Variants in DNAH17 observed in about 807,000 individuals in gnomAD.
The protein encoded by DNAH17 is dynein axonemal heavy chain 17.
In DNAH17, 376 loss-of-function variants were observed where a neutral mutation model predicts 485.6. That is an observed-to-expected ratio of 0.77 (90% confidence interval 0.71 to 0.84). DNAH17 has a LOEUF of 0.84. Among genes scored for constraint, DNAH17 ranks in the 40% least tolerant of loss-of-function variants. The pLI is 0.00. For missense variants in DNAH17, 6,370 were observed against 5,839.3 expected, an observed-to-expected ratio of 1.09 and a Z score of -2.96; for synonymous variants, 3,031 against 2,405.9, an observed-to-expected ratio of 1.26 and a Z score of -7.60.
chr17:78,506,083 G>A (rs757847651), intron 30 of DNAH17, among the ~76,000 whole-genome samples: 2 of 151,200 alleles, frequency 1.3e-5, no homozygotes, highest in Non-Finnish European at 2.9e-5. Context: ...TTCTTCTTGT[G>A]TAACCTCTAA....
At chr17:78,509,398 C>T (rs971858508) in intron 27 of DNAH17, among the ~76,000 whole-genome samples, 3 of 152,186 alleles carry the variant, frequency 2.0e-5, no homozygotes, top group South Asian at 2.1e-4. Flanking sequence ...GGATTATAGG[C>T]AGGAGCCCCC....
rs868533665 is a variant in DNAH17, at chr17:78,455,913, C to T, written c.9978-77G>A. 3.4e-5 allele frequency: 42 copies of T among 1,238,090 alleles called. No homozygotes were observed. The African/African-American group carries it at 5.5e-4, about 16-fold the overall frequency. The allele number at this position is 1,238,090 out of a possible 1,614,324, so 76.7% of individuals were successfully genotyped here. ...GACCAGACAAGCCTCCACCTCTGCA[C>T]CTCTGTGAATCTTCAGAGTTTCCCG... On this transcript the variant is annotated intron_variant, in intron 62 of 80. Transcript: ENST00000389840.
chr17:78,528,749 C>T (rs73385307), intron 22 of DNAH17, among the ~76,000 whole-genome samples: 2,694 of 152,196 alleles, frequency 0.018, 77 homozygotes, highest in African/African-American at 0.062. Context: ...TGCACACACC[C>T]CTCCACGCTG....
At chr17:78,432,901 T>TGCCCCCC (rs2086726536) in intron 75 of DNAH17, among the ~76,000 whole-genome samples, 1 of 58,578 alleles carries the variant, frequency 1.7e-5, no homozygotes, top group Non-Finnish European at 3.4e-5. Flanking sequence ...GCTTCAAACG[T>TGCCCCCC]GCCCCCCCCC....
intron 19 of DNAH17, among the ~76,000 whole-genome samples, chr17:78,534,810 C>A (rs965243368): frequency 6.6e-6 from 1 of 152,140 alleles, no homozygotes; most frequent in Admixed American, 6.5e-5. Flanking sequence ...TCTCTAAATC[C>A]CTGTGGCAGC....
At chr17:78,502,076 G>C in intron 33 of DNAH17, 2 of 643,058 alleles carry the variant, frequency 3.1e-6, no homozygotes, top group East Asian at 2.9e-5. Flanking sequence ...GCAGTGGCTA[G>C]CATGGACGTA....
At chr17:78,521,999 T>C (rs1159410004) in intron 25 of DNAH17, among the ~76,000 whole-genome samples, 1 of 152,028 alleles carries the variant, frequency 6.6e-6, no homozygotes, top group African/African-American at 2.4e-5. Flanking sequence ...ACCAAAATTA[T>C]ACTAAAACTC....
In DNAH17 at chr17:78,470,160, G is replaced by T. The variant is rs920314013; in HGVS notation, c.8512-1277C>A. Among the ~76,000 whole-genome samples, 8 of 128,596 alleles carry T rather than the reference G, an allele frequency of 6.2e-5. No individual in the cohort carries two copies. In the South Asian group the frequency reaches 2.0e-3, roughly 33 times the overall value. The allele number at this position is 128,596 out of a possible 152,430, so 84.4% of individuals were successfully genotyped here. ...GCGATCTTGGCTCACTTCAACCTCC[G>T]CCTCCCGGGTTCAAGGAGTTCTCCT... On this transcript the variant is annotated intron_variant, in intron 54 of 80. Coordinates refer to ENST00000389840, the MANE Select transcript of DNAH17 (RefSeq NM_173628.4).
intron 37 of DNAH17, 54 bp downstream of exon 37, chr17:78,498,954 G>T: frequency 2.1e-6 from 3 of 1,397,556 alleles, no homozygotes; most frequent in Non-Finnish European, 2.9e-6. Flanking sequence ...TCACAGGAAA[G>T]CTGACGAGCC....
chr17:78,432,916 A>G (rs1175037103), intron 75 of DNAH17, among the ~76,000 whole-genome samples: 1 of 45,008 alleles, frequency 2.2e-5, no homozygotes, highest in Non-Finnish European at 4.5e-5. Context: ...CCCCCCCCCG[A>G]CCCCGGTGCC....
chr17:78,478,734 CCAT>C (rs369150085), intron 51 of DNAH17: 6,592 of 383,162 alleles, frequency 0.017, 395 homozygotes, highest in African/African-American at 0.13. Context: ...ATCATCACCA[CCAT>C]CATCACCATC....
chr17:78,479,644 CA>C lies in DNAH17; in HGVS notation c.7753-13del, dbSNP rs746354019. 1 of 1,612,054 alleles carries C rather than the reference CA, an allele frequency of 6.2e-7. No homozygotes were observed. The highest frequency in any genetic ancestry group is 8.5e-7 in the Non-Finnish European group (1 of 1,179,694). ...ACGCAGAAATGGCGCTACCCCAAAA[CA>C]ACCAAACACTCCAGTCAGCCAGCTC... On this transcript the variant is annotated splice_polypyrimidine_tract_variant and intron_variant, in intron 49 of 80. Transcript: ENST00000389840.
chr17:78,445,553 C>T lies in DNAH17; in HGVS notation c.11334+5G>A, dbSNP rs1277141897. 6 of 1,561,042 alleles carry T rather than the reference C, an allele frequency of 3.8e-6. No homozygotes were observed. Among genetic ancestry groups the T allele is most frequent in the African/African-American group, 1.4e-5 (1 of 73,690 alleles). ...GCACAACGTGTTCAACGTCTAAAGA[C>T]GAACCTTGATCCCGCCCCAGCCTTG... On this transcript the variant is annotated splice_donor_5th_base_variant and intron_variant, in intron 70 of 80. Transcript: ENST00000389840.
At chr17:78,500,756 A>T (rs916726616) in intron 35 of DNAH17, 26 of 227,114 alleles carry the variant, frequency 1.1e-4, no homozygotes, top group Admixed American at 1.1e-4. Flanking sequence ...TGATCCACCC[A>T]CCTCGGCCTC....
rs376288698 is a variant in DNAH17, at chr17:78,434,015, A to G, written c.12225+14T>C. ...AGGGATATGTCCAAGTACAGGGCAC[A>G]CACAGCCCCTCACCTTGGGGTTGGC... On this transcript the variant is annotated intron_variant, in intron 75 of 80. Transcript: ENST00000389840. The G allele has an allele frequency of 3.6e-5, 55 of 1,523,376 alleles. No homozygotes were observed. Among genetic ancestry groups the G allele is most frequent in the Non-Finnish European group, 4.5e-5 (51 of 1,133,846 alleles). 94.4% of individuals were successfully genotyped at this position (1,523,376 alleles called of 1,614,324 possible). A position where few individuals can be genotyped will look rare whatever the true frequency, so the allele number is the denominator to read the frequency against.
At chr17:78,492,866 T>TTTTTTTTTTTTC (rs2089923484) in intron 41 of DNAH17, 101 bp from the exon 42 acceptor site, 2 of 1,033,998 alleles carry the variant, frequency 1.9e-6, no homozygotes, top group East Asian at 6.9e-5. Context: ...TTTTTTTTTT[T>TTTTTTTTTTTTC]TTGAGATGGA....
chr17:78,437,731 CTGGGGGATGA>C lies in DNAH17; in HGVS notation c.11933_11942del (p.Ile3978ArgfsTer184). The C allele has an allele frequency of 6.2e-7, 1 of 1,612,508 alleles. No individual in the cohort carries two copies. Among genetic ancestry groups the C allele is most frequent in the Non-Finnish European group, 8.5e-7 (1 of 1,179,770 alleles). On this transcript the variant is annotated frameshift_variant, in exon 74 of 81. Coordinates refer to ENST00000389840, the MANE Select transcript of DNAH17 (RefSeq NM_173628.4). LOFTEE classifies it high-confidence loss of function. ...TCTTGATGGCGTTCTCCAGAATGCC[CTGGGGGATGA>C]TGTGGGTCTCGGGGCTGGGGGCAGG... is the stretch of plus-strand genomic sequence containing the variant.
chr17:78,471,442 G>A (rs188586058), intron 54 of DNAH17, among the ~76,000 whole-genome samples: 42 of 152,310 alleles, frequency 2.8e-4, no homozygotes, highest in Admixed American at 5.9e-4. Context: ...AGTCAAAGAC[G>A]AATCACTCTT....
intron 34 of DNAH17, 63 bp from the exon 35 acceptor site, chr17:78,501,407 A>G: frequency 6.6e-7 from 1 of 1,525,986 alleles, no homozygotes; most frequent in Non-Finnish European, 8.8e-7. Context: ...TGCCTAAGGA[A>G]GGCCAGCATG....
Sources: gnomAD v4.1 joint callset for allele counts (sites outside exome capture counted in the v4.1 genomes callset) on GRCh38, gnomAD v4.1.1 for gene constraint, MANE v1.5 for transcripts, NCBI Gene and HGNC (gene_info 2026-07-23, HGNC 2026-07-21) for gene names.